Variants in SYT9 observed in about 807,000 individuals in gnomAD.
SYT9 encodes synaptotagmin 9.
Under a neutral mutation model 48.4 loss-of-function variants are expected in SYT9, and 22 were observed. The ratio of observed to expected loss-of-function variants is 0.45; its 90% CI spans 0.32 to 0.65. The LOEUF is 0.65. SYT9 is among the 30% of genes least tolerant of loss of function. The pLI is 0.03. For missense variants in SYT9, 577 were observed against 622.0 expected (o/e 0.93, Z 0.77); for synonymous variants, 265 against 245.0 (o/e 1.08, Z -0.76).
At chr11:7,265,370 A>T (rs1195894235) in intron 1 of SYT9, among the ~76,000 whole-genome samples, 2 of 152,154 alleles carry the variant, frequency 1.3e-5, no homozygotes. Context: ...CTTGCAACTC[A>T]AAGATTTTTG....
intron 1 of SYT9, among the ~76,000 whole-genome samples, chr11:7,261,458 A>G (rs1241673389): frequency 1.3e-5 from 2 of 152,186 alleles, no homozygotes; most frequent in East Asian, 3.8e-4. Flanking sequence ...AGATACCTAG[A>G]CACAGTATTG....
In SYT9 at chr11:7,289,423, A is replaced by T. The variant is rs77850903; in HGVS notation, c.146-13616A>T. On this transcript the variant is annotated intron_variant, in intron 1 of 6. Coordinates refer to ENST00000318881, the MANE Select transcript of SYT9 (RefSeq NM_175733.4). Reference sequence around the variant, plus strand: ...CCACTACCACAGCACAACAGGATAAATGTAGTTAATTACCACTGAACTATA... The same window carrying T: ...CCACTACCACAGCACAACAGGATAATTGTAGTTAATTACCACTGAACTATA... Among the ~76,000 whole-genome samples, 88 of 152,340 alleles carry T rather than the reference A, an allele frequency of 5.8e-4. No homozygotes were observed. The East Asian group carries it at 0.016, about 27-fold the overall frequency.
chr11:7,421,775 C>T (rs1847359183), intron 6 of SYT9, among the ~76,000 whole-genome samples: 1 of 152,216 alleles, frequency 6.6e-6, no homozygotes, highest in Non-Finnish European at 1.5e-5. Flanking sequence ...AAGAAACAGT[C>T]CTTTCCCTTG....
chr11:7,463,510 G>A (rs2134160602), intron 6 of SYT9, among the ~76,000 whole-genome samples: 1 of 152,172 alleles, frequency 6.6e-6, no homozygotes, highest in Non-Finnish European at 1.5e-5. Flanking sequence ...AACAACAACA[G>A]CAAAATTTAC....
intron 6 of SYT9, chr11:7,444,176 G>C (rs1392071373): frequency 6.6e-6 from 1 of 152,252 alleles, no homozygotes; most frequent in Non-Finnish European, 1.5e-5. Flanking sequence ...ACAGGTCTGA[G>C]AAATCTTCCT....
intron 1 of SYT9, among the ~76,000 whole-genome samples, chr11:7,283,528 A>G (rs1848541247): frequency 6.6e-6 from 1 of 152,216 alleles, no homozygotes; most frequent in South Asian, 2.1e-4. Context: ...CAAAGAAAAG[A>G]ACATTACCCT....
chr11:7,275,111 G>T (rs542070341), intron 1 of SYT9, among the ~76,000 whole-genome samples: 1 of 152,124 alleles, frequency 6.6e-6, no homozygotes, highest in Non-Finnish European at 1.5e-5. Flanking sequence ...AGCAGAGTGT[G>T]CAGGGCCTCT....
At chr11:7,393,519 G>A (rs1428721342) in intron 3 of SYT9, among the ~76,000 whole-genome samples, 1 of 151,950 alleles carries the variant, frequency 6.6e-6, no homozygotes. Context: ...TTTTGTTGAG[G>A]ATTTTTGTTC....
intron 3 of SYT9, among the ~76,000 whole-genome samples, chr11:7,350,139 A>T (rs1335954865): frequency 6.6e-6 from 1 of 152,206 alleles, no homozygotes; most frequent in Non-Finnish European, 1.5e-5. Flanking sequence ...TTTCCAGAGA[A>T]CTAATCAATA....
intron 1 of SYT9, among the ~76,000 whole-genome samples, chr11:7,283,393 A>G (rs1848537493): frequency 6.6e-6 from 1 of 152,080 alleles, no homozygotes; most frequent in Non-Finnish European, 1.5e-5. Flanking sequence ...AGATTGCTCC[A>G]CAAATATTTT....
intron 2 of SYT9, among the ~76,000 whole-genome samples, chr11:7,306,610 G>A (rs552477405): frequency 5.9e-5 from 9 of 152,252 alleles, no homozygotes; most frequent in East Asian, 1.9e-4. Flanking sequence ...GTCTTCACAC[G>A]TTGTTCCCTC....
chr11:7,405,998 C>T (rs947543356), intron 3 of SYT9, among the ~76,000 whole-genome samples: 3 of 152,098 alleles, frequency 2.0e-5, no homozygotes, highest in African/African-American at 7.2e-5. Flanking sequence ...TGCAACAAGA[C>T]AGAGAAAGTT....
intron 3 of SYT9, among the ~76,000 whole-genome samples, chr11:7,356,269 G>A (rs181497441): frequency 4.6e-5 from 7 of 152,270 alleles, no homozygotes; most frequent in Admixed American, 1.3e-4. Context: ...AACTTGAGTC[G>A]TTTTACTAGT....
At chr11:7,464,810 C>T (rs952638094) in intron 6 of SYT9, among the ~76,000 whole-genome samples, 11 of 152,000 alleles carry the variant, frequency 7.2e-5, no homozygotes, top group African/African-American at 1.9e-4. Flanking sequence ...GGGCCAGGCG[C>T]GGTGGCTCAC....
chr11:7,423,947 A>C (rs1847403731), intron 6 of SYT9, among the ~76,000 whole-genome samples: 1 of 152,228 alleles, frequency 6.6e-6, no homozygotes, highest in South Asian at 2.1e-4. Context: ...GCTCATGATA[A>C]CAGAGTATGT....
chr11:7,306,047 G>A (rs1276736909), intron 2 of SYT9, among the ~76,000 whole-genome samples: 1 of 152,110 alleles, frequency 6.6e-6, no homozygotes, highest in Non-Finnish European at 1.5e-5. Flanking sequence ...AGCATGTTCG[G>A]TGTCTAGTTT....
chr11:7,416,997 A>G (rs1211000561), intron 4 of SYT9, among the ~76,000 whole-genome samples: 1 of 151,892 alleles, frequency 6.6e-6, no homozygotes, highest in East Asian at 1.9e-4. Flanking sequence ...AACTCTAACA[A>G]GAAAAAAAAA....
intron 3 of SYT9, among the ~76,000 whole-genome samples, chr11:7,338,810 T>C (rs148300598): frequency 1.3e-5 from 2 of 152,224 alleles, no homozygotes; most frequent in African/African-American, 4.8e-5. Flanking sequence ...ATGAGAAGAA[T>C]ATATATTCTG....
chr11:7,301,867 G>A (rs1848926186), intron 1 of SYT9, among the ~76,000 whole-genome samples: 2 of 152,212 alleles, frequency 1.3e-5, no homozygotes, highest in African/African-American at 4.8e-5. Context: ...TTGATGCTCA[G>A]CCTCCTTGGT....
Sources: gnomAD v4.1 joint callset for allele counts (sites outside exome capture counted in the v4.1 genomes callset) on GRCh38, gnomAD v4.1.1 for gene constraint, MANE v1.5 for transcripts, NCBI Gene and HGNC (gene_info 2026-07-23, HGNC 2026-07-21) for gene names.